The following TAF1B variants were observed in gnomAD, a reference collection of about 807,000 sequenced individuals.
TAF1B encodes TATA-box binding protein associated factor, RNA polymerase I subunit B, also known as TATA box-binding protein-associated factor RNA polymerase I subunit B.
TAF1B carries 61 observed loss-of-function variants against 83.9 expected under a neutral mutation model. The ratio of observed to expected loss-of-function variants is 0.73; its 90% CI spans 0.59 to 0.90. The LOEUF (loss-of-function observed/expected upper bound fraction) is 0.90, where lower values mean the gene tolerates loss of function less well. Among genes scored for constraint, TAF1B ranks in the 40% least tolerant of loss-of-function variants. The pLI is 0.00. For missense variants in TAF1B, 625 were observed against 677.0 expected (o/e 0.92, Z 0.85); for synonymous variants, 221 against 224.6 (o/e 0.98, Z 0.14).
intron 7 of TAF1B, among the ~76,000 whole-genome samples, chr2:9,881,450 C>T (rs1664505061): frequency 6.6e-6 from 1 of 152,086 alleles, no homozygotes; most frequent in African/African-American, 2.4e-5. Context: ...CTGTCTTTAG[C>T]TCACTTTCCT....
At chr2:9,849,197 A>G (rs1476006053) in intron 2 of TAF1B, among the ~76,000 whole-genome samples, 176 bp from the exon 3 acceptor site, 2 of 152,220 alleles carry the variant, frequency 1.3e-5, no homozygotes. Flanking sequence ...TTTTGAATGA[A>G]AAAACAACAT....
At chr2:9,851,213 A>G (rs1663379202) in intron 3 of TAF1B, among the ~76,000 whole-genome samples, 1 of 152,144 alleles carries the variant, frequency 6.6e-6, no homozygotes, top group Non-Finnish European at 1.5e-5. Context: ...CTTTTTTTTA[A>G]CATGGTGACT....
chr2:9,925,780 T>G (rs1377194161), intron 14 of TAF1B, among the ~76,000 whole-genome samples: 1 of 152,066 alleles, frequency 6.6e-6, no homozygotes, highest in Non-Finnish European at 1.5e-5. Context: ...TTTCATCATG[T>G]TAGTCAGGCT....
chr2:9,853,268 T>G (rs1260350792), intron 4 of TAF1B, among the ~76,000 whole-genome samples: 1 of 152,214 alleles, frequency 6.6e-6, no homozygotes, highest in Non-Finnish European at 1.5e-5. Context: ...CATTATGCCA[T>G]GTACACAGGC....
intron 5 of TAF1B, among the ~76,000 whole-genome samples, chr2:9,858,298 C>T (rs1572219201): frequency 1.3e-5 from 2 of 152,244 alleles, no homozygotes; most frequent in Non-Finnish European, 2.9e-5. Flanking sequence ...CCATGTCTCA[C>T]ATCCAGGCAT....
At chr2:9,913,127 T>A (rs923359189) in intron 11 of TAF1B, 32 bp from the exon 12 acceptor site, 33 of 1,535,606 alleles carry the variant, frequency 2.1e-5, no homozygotes, top group Non-Finnish European at 2.9e-5. Context: ...GTGGTTTATT[T>A]GGTTAATAAT....
In TAF1B at chr2:9,875,925, G is replaced by A. The variant is rs1277178386; in HGVS notation, c.614G>A (p.Gly205Glu). Reference protein sequence around the residue: ...GVEYSQRKEKGIVKMTMPQTL... With the variant: ...GVEYSQRKEKEIVKMTMPQTL... Reference sequence around the variant, plus strand: ...GAATACTCACAACGAAAGGAGAAGGGAATCGTGAAGATGACCATGCCACAG... The same window carrying A: ...GAATACTCACAACGAAAGGAGAAGGAAATCGTGAAGATGACCATGCCACAG... The change falls in exon 7 of 15, where the codon GGA (glycine) becomes GAA (glutamate). Residue 205 changes from glycine to glutamate, a missense_variant. By Grantham distance (98) the Gly-to-Glu change is moderately conservative. Transcript: ENST00000263663. The A allele has an allele frequency of 1.2e-6, 2 of 1,613,532 alleles. No homozygotes were observed. Among genetic ancestry groups the A allele is most frequent in the African/African-American group, 1.3e-5 (1 of 75,044 alleles).
chr2:9,880,891 A>G (rs142731751), intron 7 of TAF1B, among the ~76,000 whole-genome samples: 159 of 152,312 alleles, frequency 1.0e-3, no homozygotes, highest in Non-Finnish European at 1.7e-3. Context: ...TAATTTCACA[A>G]TAATACAAAT....
chr2:9,899,336 G>A (rs913618267), intron 8 of TAF1B, among the ~76,000 whole-genome samples: 4 of 152,120 alleles, frequency 2.6e-5, no homozygotes, highest in Non-Finnish European at 1.5e-5. Context: ...ATTGTAGTTC[G>A]TGTCAGAATT....
intron 5 of TAF1B, among the ~76,000 whole-genome samples, chr2:9,864,103 A>G (rs1663877896): frequency 6.6e-6 from 1 of 152,226 alleles, no homozygotes; most frequent in Non-Finnish European, 1.5e-5. Context: ...AGATCAGAGC[A>G]GAACTGTAGG....
chr2:9,868,401 T>G lies in TAF1B; in HGVS notation c.525T>G (p.Pro175=). Residue 175 remains proline (P), a synonymous_variant, in exon 6 of 15, where the codon CCT becomes CCG. Transcript: ENST00000263663. ...AGTCTGACATCCACACTCGAAAACC[T>G]TTCCCCGTCAGCAAAGCATCACAAT... is the stretch of plus-strand genomic sequence containing the variant. ...ESQSDIHTRK[P]FPVSKASQSE... 1.2e-6 allele frequency: 2 copies of G among 1,613,206 alleles called. No homozygotes were observed. The highest frequency in any genetic ancestry group is 2.2e-5 in the South Asian group (2 of 90,946).
intron 9 of TAF1B, among the ~76,000 whole-genome samples, chr2:9,907,142 C>A (rs1422025932): frequency 2.0e-5 from 3 of 151,126 alleles, no homozygotes; most frequent in Non-Finnish European, 2.9e-5. Context: ...CCTGCCTTGA[C>A]TTCCCGAAGT....
chr2:9,928,091 G>A (rs1049068037), intron 14 of TAF1B, among the ~76,000 whole-genome samples: 5 of 152,198 alleles, frequency 3.3e-5, no homozygotes, highest in African/African-American at 1.2e-4. Flanking sequence ...TGGCTAGCCA[G>A]TTTTCCCAAC....
At chr2:9,894,934 G>A (rs1409282362) in intron 8 of TAF1B, among the ~76,000 whole-genome samples, 1 of 152,168 alleles carries the variant, frequency 6.6e-6, no homozygotes, top group East Asian at 1.9e-4. Flanking sequence ...TCAGCAGAGC[G>A]TTTGGAGAAC....
chr2:9,878,950 A>T (rs963967700), intron 7 of TAF1B, among the ~76,000 whole-genome samples: 1 of 152,194 alleles, frequency 6.6e-6, no homozygotes, highest in Non-Finnish European at 1.5e-5. Flanking sequence ...GCTACTCTAG[A>T]TTGGTTATTC....
In TAF1B at chr2:9,914,653, CT is replaced by C. The variant is rs1386909510; in HGVS notation, c.1271+1407del. 1.3e-5 allele frequency among the ~76,000 whole-genome samples: 2 copies of C among 152,178 alleles called. No individual in the cohort carries two copies. The highest frequency in any genetic ancestry group is 2.1e-4 in the South Asian group (1 of 4,830). On this transcript the variant is annotated intron_variant, in intron 12 of 14. Transcript: ENST00000263663. The surrounding 1 kb of genome is among the most constrained non-coding windows in gnomAD (Gnocchi z 4.3). ...TTTAAGACTTACCGGCTTTTAGCTA[CT>C]TTAGGGAATAATTTATTGGCCAAAG...
intron 5 of TAF1B, 33 bp downstream of exon 5, chr2:9,854,454 A>G: frequency 1.3e-6 from 2 of 1,521,202 alleles, no homozygotes; most frequent in Non-Finnish European, 9.1e-7. Flanking sequence ...TGGATTAAAA[A>G]ACATGTCTGT....
intron 6 of TAF1B, 43 bp from the exon 7 acceptor site, chr2:9,875,822 A>G (rs775071418): frequency 2.0e-6 from 3 of 1,530,316 alleles, no homozygotes; most frequent in African/African-American, 2.8e-5. Flanking sequence ...TTGTTATCCA[A>G]ATAGTTCACT....
Position 9,859,386 on chromosome 2 carries a change from A to ATTTTT in TAF1B, c.399+4979_399+4983dup, listed in dbSNP as rs34951709. ...CTTCATTGTCCATATCACTATCAGC[A>ATTTTT]TTTTTTTTTTTTTTTTTTGAGATAG... is the stretch of plus-strand genomic sequence containing the variant. On this transcript the variant is annotated intron_variant, in intron 5 of 14. Transcript: ENST00000263663. Among the ~76,000 whole-genome samples, 303 of 133,406 alleles carry ATTTTT rather than the reference A, an allele frequency of 2.3e-3. 7 individuals are homozygous for ATTTTT. The highest frequency in any genetic ancestry group is 5.8e-3 in the East Asian group (26 of 4,510). 87.5% of individuals were successfully genotyped at this position (133,406 alleles called of 152,430 possible). A position where few individuals can be genotyped will look rare whatever the true frequency, so the allele number is the denominator to read the frequency against.
Sources: gnomAD v4.1 joint callset for allele counts (sites outside exome capture counted in the v4.1 genomes callset) on GRCh38, gnomAD v4.1.1 for gene constraint, Gnocchi (gnomAD v3.1) non-coding constraint, MANE v1.5 for transcripts, NCBI Gene and HGNC (gene_info 2026-07-23, HGNC 2026-07-21) for gene names.